RBFOX1: variants seen among roughly 807,000 people sequenced by gnomAD.
RBFOX1 encodes the protein RNA binding protein fox-1 homolog 1.
In RBFOX1, 8 loss-of-function variants were observed where a neutral mutation model predicts 57.7. The observed-to-expected ratio is 0.14, with a 90% CI of 0.08 to 0.25. The LOEUF is 0.25. Among genes scored for constraint, RBFOX1 ranks in the 10% least tolerant of loss-of-function variants. The pLI, the probability that RBFOX1 is intolerant of heterozygous loss-of-function variation, is 1.00. For synonymous variants in RBFOX1, 326 were observed against 222.4 expected (o/e 1.47, Z -4.15); for missense variants, 611 against 548.5 (o/e 1.11, Z -1.14).
intron 2 of RBFOX1, among the ~76,000 whole-genome samples, chr16:6,450,818 C>A (rs2534767): frequency 5.6e-5 from 1 of 17,716 alleles, no homozygotes; most frequent in African/African-American, 2.0e-4. Context: ...TATATATATA[C>A]ATATATATAT....
Position 5,850,107 on chromosome 16 carries a change from T to A in RBFOX1, c.319-17196T>A, listed in dbSNP as rs116974740. ...TCTGAACCCAGGCTGGGAGTCTGGGTTCTCGGAGACTCAGCAATTCAGTGG... is the reference window on the plus strand; with the variant it reads ...TCTGAACCCAGGCTGGGAGTCTGGGATCTCGGAGACTCAGCAATTCAGTGG... On this transcript the variant is annotated intron_variant, in intron 3 of 19. Coordinates refer to the RBFOX1 transcript ENST00000641259. Among the ~76,000 whole-genome samples, 248 of 152,288 alleles carry A rather than the reference T, an allele frequency of 1.6e-3. 1 individual carries two copies. In the East Asian group the frequency reaches 0.017, roughly 10 times the overall value.
At chr16:5,396,431 A>C (rs1567445488) in intron 1 of RBFOX1, among the ~76,000 whole-genome samples, 1 of 152,170 alleles carries the variant, frequency 6.6e-6, no homozygotes, top group Non-Finnish European at 1.5e-5. Context: ...ACTTGAGGCC[A>C]GGAGTTTGAG....
At chr16:6,879,027 C>T (rs555610049) in intron 3 of RBFOX1, among the ~76,000 whole-genome samples, 58 of 152,192 alleles carry the variant, frequency 3.8e-4, no homozygotes, top group African/African-American at 1.3e-3. Context: ...ATTACTAAAC[C>T]ATTTGACCAC....
chr16:5,496,249 A>G (rs2042997824), intron 2 of RBFOX1, among the ~76,000 whole-genome samples: 1 of 152,186 alleles, frequency 6.6e-6, no homozygotes. Flanking sequence ...CCTTTGCAAT[A>G]AATCTCTGTA....
At chr16:6,186,448 G>T (rs1309161482) in intron 1 of RBFOX1, among the ~76,000 whole-genome samples, 1 of 152,184 alleles carries the variant, frequency 6.6e-6, no homozygotes, top group Non-Finnish European at 1.5e-5. Flanking sequence ...ATAAGGGTCT[G>T]TAAAGATACT....
chr16:7,385,438 G>T (rs1440223854), intron 4 of RBFOX1, among the ~76,000 whole-genome samples: 1 of 152,200 alleles, frequency 6.6e-6, no homozygotes, highest in African/African-American at 2.4e-5. Flanking sequence ...GAATTAAAAT[G>T]ATTCCAGGAT....
At position 7,628,324 on chromosome 16, in the gene RBFOX1, A is replaced by G. The variant is rs528017366; in HGVS notation, c.677-2279A>G. Among the ~76,000 whole-genome samples, 7 of 152,292 alleles carry G rather than the reference A, an allele frequency of 4.6e-5. No homozygotes were observed. The South Asian group carries it at 1.5e-3, about 32-fold the overall frequency. ...TGATTCCGACCTGATAACTCTCTGT[A>G]TATCCTATAGAAACACATTCATTTA... On this transcript the variant is annotated intron_variant, in intron 10 of 15. Coordinates refer to ENST00000550418, the MANE Select transcript of RBFOX1 (RefSeq NM_018723.4).
chr16:6,113,963 T>C (rs764447495), intron 1 of RBFOX1, among the ~76,000 whole-genome samples: 1 of 152,222 alleles, frequency 6.6e-6, no homozygotes, highest in Non-Finnish European at 1.5e-5. Context: ...CTGTTCTAAA[T>C]AGAGCAGGTT....
intron 1 of RBFOX1, among the ~76,000 whole-genome samples, chr16:5,311,095 G>C (rs1437903034): frequency 6.6e-6 from 1 of 152,082 alleles, no homozygotes; most frequent in Non-Finnish European, 1.5e-5. Context: ...TGCAGTATTT[G>C]GTTTCCCATT....
intron 2 of RBFOX1, among the ~76,000 whole-genome samples, chr16:6,515,878 A>C (rs1307414604): frequency 6.6e-6 from 1 of 152,170 alleles, no homozygotes; most frequent in Non-Finnish European, 1.5e-5. Flanking sequence ...CACCTAGCTC[A>C]AATGTCAGCT....
At chr16:6,199,794 A>T (rs949394123) in intron 1 of RBFOX1, among the ~76,000 whole-genome samples, 4 of 152,156 alleles carry the variant, frequency 2.6e-5, no homozygotes, top group African/African-American at 9.7e-5. Context: ...AAAAATCTGT[A>T]TGGGATGCTT....
At chr16:6,739,692 C>T (rs1178272530) in intron 3 of RBFOX1, among the ~76,000 whole-genome samples, 2 of 152,096 alleles carry the variant, frequency 1.3e-5, no homozygotes, top group African/African-American at 2.4e-5. Context: ...GCTTGGCCAA[C>T]ATGGTGAAAC....
chr16:7,334,751 C>T (rs577217117), intron 4 of RBFOX1, among the ~76,000 whole-genome samples: 1 of 152,328 alleles, frequency 6.6e-6, no homozygotes, highest in South Asian at 2.1e-4. Flanking sequence ...TGAGAAGATG[C>T]AAGGGCCAGC....
chr16:6,117,856 C>T (rs1158145358), intron 1 of RBFOX1, among the ~76,000 whole-genome samples: 5 of 152,148 alleles, frequency 3.3e-5, no homozygotes, highest in Admixed American at 2.6e-4. Context: ...TATTCTACTT[C>T]CCCTAATGAT....
intron 4 of RBFOX1, among the ~76,000 whole-genome samples, chr16:5,996,714 G>C (rs986058473): frequency 6.6e-6 from 1 of 152,064 alleles, no homozygotes; most frequent in African/African-American, 2.4e-5. Context: ...AGAACTGTGG[G>C]ATTTAACTGA....
At chr16:6,497,148 C>T (rs890222326) in intron 2 of RBFOX1, among the ~76,000 whole-genome samples, 1 of 152,252 alleles carries the variant, frequency 6.6e-6, no homozygotes, top group South Asian at 2.1e-4. Context: ...ACATTGCTAA[C>T]ATGGAGTGGA....
At position 7,668,076 on chromosome 16, in the gene RBFOX1, G is replaced by A. The variant is rs559377701; in HGVS notation, c.930+3108G>A. 1.4e-4 allele frequency among the ~76,000 whole-genome samples: 22 copies of A among 152,274 alleles called. 1 individual carries two copies. The East Asian group carries it at 3.7e-3, about 25-fold the overall frequency. ...CTGTCAGATTCTTCCTGCTCAAAAT[G>A]TTCTCCATCCTGGCAGTATATCAGA... On this transcript the variant is annotated intron_variant, in intron 13 of 15. Transcript: ENST00000550418.
intron 4 of RBFOX1, among the ~76,000 whole-genome samples, chr16:7,451,383 G>A (rs1476962384): frequency 3.3e-5 from 5 of 152,280 alleles, no homozygotes; most frequent in Middle Eastern, 3.4e-3. Flanking sequence ...TCGGAGCAGT[G>A]AAATCCAAGT....
chr16:7,696,732 T>A (rs2147852487), intron 14 of RBFOX1, among the ~76,000 whole-genome samples: 1 of 152,148 alleles, frequency 6.6e-6, no homozygotes, highest in East Asian at 1.9e-4. Flanking sequence ...ATGTACTTAC[T>A]GTAATGAATC....
Sources: gnomAD v4.1 joint callset for allele counts (sites outside exome capture counted in the v4.1 genomes callset) on GRCh38, gnomAD v4.1.1 for gene constraint, MANE v1.5 for transcripts, NCBI Gene and HGNC (gene_info 2026-07-23, HGNC 2026-07-21) for gene names.